The following ITFG1 variants were observed in gnomAD, a reference collection of about 807,000 sequenced individuals.
The protein encoded by ITFG1 is T-cell immunomodulatory protein.
Under a neutral mutation model 81.8 loss-of-function variants are expected in ITFG1, and 34 were observed. The ratio of observed to expected loss-of-function variants is 0.42; its 90% CI spans 0.32 to 0.55. The LOEUF (loss-of-function observed/expected upper bound fraction) is 0.55, where lower values mean the gene tolerates loss of function less well. Ranked by LOEUF, ITFG1 falls within the 20% of genes least tolerant of loss-of-function variation. The probability of loss-of-function intolerance (pLI) is 0.17; values close to 1 mark genes in which losing one functional copy is unlikely to be tolerated. For missense variants in ITFG1, 672 were observed against 755.4 expected (o/e 0.89, Z 1.29); for synonymous variants, 285 against 270.6 (o/e 1.05, Z -0.52).
intron 10 of ITFG1, among the ~76,000 whole-genome samples, chr16:47,284,604 G>A (rs1262758999): frequency 1.3e-5 from 2 of 152,118 alleles, no homozygotes; most frequent in Non-Finnish European, 2.9e-5. Flanking sequence ...TTAGCTACCT[G>A]TCAGATTAAT....
intron 16 of ITFG1, among the ~76,000 whole-genome samples, chr16:47,161,272 T>C (rs895398902): frequency 6.6e-6 from 1 of 152,236 alleles, no homozygotes; most frequent in Non-Finnish European, 1.5e-5. Context: ...ATGCAGAAAG[T>C]GAGTCTTGGA....
At chr16:47,273,463 G>A (rs1361349869) in intron 10 of ITFG1, among the ~76,000 whole-genome samples, 1 of 152,120 alleles carries the variant, frequency 6.6e-6, no homozygotes, top group African/African-American at 2.4e-5. Context: ...TATTATTGAA[G>A]TGTTTTGCAA....
At chr16:47,277,414 A>G (rs1265763411) in intron 10 of ITFG1, among the ~76,000 whole-genome samples, 1 of 152,186 alleles carries the variant, frequency 6.6e-6, no homozygotes, top group Admixed American at 6.5e-5. Flanking sequence ...GGAAATATGT[A>G]CAAGGGTTTG....
At chr16:47,286,148 A>G (rs536004703) in intron 10 of ITFG1, among the ~76,000 whole-genome samples, 1 of 152,176 alleles carries the variant, frequency 6.6e-6, no homozygotes, top group Admixed American at 6.5e-5. Flanking sequence ...AACTCTACAT[A>G]GGTAGAGGGA....
intron 14 of ITFG1, among the ~76,000 whole-genome samples, chr16:47,179,727 G>C (rs1370415757): frequency 1.3e-5 from 2 of 152,174 alleles, no homozygotes; most frequent in Non-Finnish European, 2.9e-5. Flanking sequence ...GGTGGTACTA[G>C]GATCTCTAGA....
chr16:47,203,903 TG>T (rs1304051964), intron 14 of ITFG1, among the ~76,000 whole-genome samples: 1 of 152,138 alleles, frequency 6.6e-6, no homozygotes, highest in Non-Finnish European at 1.5e-5. Flanking sequence ...TAGCGTTTAA[TG>T]GGTACAGAGT....
rs565527486 is a variant in ITFG1 at position 47,326,450 on chromosome 16, A to C, written c.803-12627T>G. The stretch of plus-strand genomic sequence containing the variant: ...GCCCTCTCTCACCACTAATATTCAA[A>C]ATAGTGTTGGAAGTTCTGGCCAGGG... On this transcript the variant is annotated intron_variant, in intron 8 of 17. Coordinates refer to ENST00000320640, the MANE Select transcript of ITFG1 (RefSeq NM_030790.5). 2.2e-3 allele frequency among the ~76,000 whole-genome samples: 329 copies of C among 152,242 alleles called. 1 individual carries two copies. The highest frequency in any genetic ancestry group is 3.2e-3 in the Non-Finnish European group (215 of 68,004).
In ITFG1 at chr16:47,155,718, G is replaced by A; in HGVS notation, c.*1C>T. 8.1e-6 allele frequency: 13 copies of A among 1,601,692 alleles called. No individual in the cohort carries two copies. Among genetic ancestry groups the A allele is most frequent in the Non-Finnish European group, 1.1e-5 (13 of 1,172,450 alleles). ...TTCCATTATGTAATATTAAAGGCAAGTCACATAGCATCAAAATGAAACCGG... is the reference window on the plus strand; with the variant it reads ...TTCCATTATGTAATATTAAAGGCAAATCACATAGCATCAAAATGAAACCGG... On this transcript the variant is annotated 3_prime_UTR_variant, in exon 18 of 18. Transcript: ENST00000320640.
Position 47,411,797 on chromosome 16 carries a change from T to C in ITFG1, c.655+17007A>G, listed in dbSNP as rs11866253. ...ACAGGTCTGGCAAGGAGGTCATCAT[T>C]GCCACCCTAGTCTCCCCAATCACAG... is the stretch of plus-strand genomic sequence containing the variant. On this transcript the variant is annotated intron_variant, in intron 6 of 17. Coordinates refer to ENST00000320640, the MANE Select transcript of ITFG1 (RefSeq NM_030790.5). 7.5e-3 allele frequency among the ~76,000 whole-genome samples: 1,138 copies of C among 152,252 alleles called. 19 individuals carry two copies. The highest frequency in any genetic ancestry group is 0.026 in the African/African-American group (1,079 of 41,558).
At chr16:47,303,089 G>A (rs1967101828) in intron 10 of ITFG1, among the ~76,000 whole-genome samples, 1 of 152,078 alleles carries the variant, frequency 6.6e-6, no homozygotes, top group Admixed American at 6.5e-5. Context: ...GGCTAACAAG[G>A]TGAAACCCCG....
intron 10 of ITFG1, among the ~76,000 whole-genome samples, chr16:47,275,176 T>C (rs1257196728): frequency 1.3e-5 from 2 of 152,124 alleles, no homozygotes; most frequent in South Asian, 2.1e-4. Context: ...CTGACATGTA[T>C]GAATCTGTTA....
At chr16:47,445,247 GAAAAAAA>G (rs907756228) in intron 5 of ITFG1, among the ~76,000 whole-genome samples, 1,207 of 30,778 alleles carry the variant, frequency 0.039, 7 homozygotes, top group Non-Finnish European at 0.066. Context: ...CTCCGTCTCA[GAAAAAAA>G]AAAAAAAAAA....
intron 3 of ITFG1, 65 bp downstream of exon 3, chr16:47,453,948 A>G: frequency 9.7e-7 from 1 of 1,031,208 alleles, no homozygotes; most frequent in Non-Finnish European, 1.4e-6. Flanking sequence ...ATTTCAGAAC[A>G]ATATTTTGTT....
At chr16:47,283,392 AG>A (rs1247225958) in intron 10 of ITFG1, among the ~76,000 whole-genome samples, 1 of 152,126 alleles carries the variant, frequency 6.6e-6, no homozygotes, top group African/African-American at 2.4e-5. Flanking sequence ...AGTTGGTTGA[AG>A]GTATGTGGGT....
chr16:47,161,144 A>G (rs775433100), intron 16 of ITFG1, among the ~76,000 whole-genome samples: 2 of 152,248 alleles, frequency 1.3e-5, no homozygotes, highest in Non-Finnish European at 2.9e-5. Context: ...AATAAAATTT[A>G]AGGATTTAAA....
intron 10 of ITFG1, among the ~76,000 whole-genome samples, chr16:47,308,500 T>C (rs1023725030): frequency 5.3e-5 from 8 of 152,210 alleles, no homozygotes; most frequent in African/African-American, 1.9e-4. Context: ...AAAATGCAGA[T>C]TATAACTGAA....
intron 10 of ITFG1, among the ~76,000 whole-genome samples, chr16:47,270,481 G>A (rs901560843): frequency 6.6e-6 from 1 of 152,202 alleles, no homozygotes; most frequent in Admixed American, 6.5e-5. Context: ...GAGAAAATGT[G>A]GAGAAACTGG....
At position 47,311,432 on chromosome 16, in the gene ITFG1, G is replaced by C. The variant is rs753724355; in HGVS notation, c.898-20C>G. ...AACCCACTATGGATTAAGAGAAAAA[G>C]ATCAGACTTTATAGTTATTTTATAA... On this transcript the variant is annotated intron_variant, in intron 9 of 17. Coordinates refer to ENST00000320640, the MANE Select transcript of ITFG1 (RefSeq NM_030790.5). The C allele has an allele frequency of 3.6e-5, 56 of 1,559,340 alleles. No individual in the cohort carries two copies. The highest frequency in any genetic ancestry group is 4.4e-5 in the Non-Finnish European group (51 of 1,151,340).
At chr16:47,401,349 C>T (rs1460384633) in intron 6 of ITFG1, among the ~76,000 whole-genome samples, 3 of 152,138 alleles carry the variant, frequency 2.0e-5, no homozygotes, top group Non-Finnish European at 4.4e-5. Flanking sequence ...GAATAAGATA[C>T]ATAAATTTGG....
Sources: allele counts gnomAD v4.1 joint callset (sites outside exome capture counted in the v4.1 genomes callset), GRCh38; gene constraint gnomAD v4.1.1; transcripts MANE v1.5; gene names NCBI Gene and HGNC (gene_info 2026-07-23, HGNC 2026-07-21).